Variants in GRIA3 observed in about 807,000 individuals in gnomAD.
GRIA3 encodes glutamate ionotropic receptor AMPA type subunit 3.
Under a neutral mutation model 63.0 loss-of-function variants are expected in GRIA3, and 3 were observed. That is an observed-to-expected ratio of 0.05 (90% CI 0.02 to 0.12). The LOEUF (loss-of-function observed/expected upper bound fraction) is 0.12, where lower values mean the gene tolerates loss of function less well. Among genes scored for constraint, GRIA3 ranks in the 10% least tolerant of loss-of-function variants. The probability of loss-of-function intolerance (pLI) is 1.00; values close to 1 mark genes in which losing one functional copy is unlikely to be tolerated. For synonymous variants in GRIA3, 274 were observed against 257.9 expected, an observed-to-expected ratio of 1.06 and a Z score of -0.60; for missense variants, 347 against 700.9, an observed-to-expected ratio of 0.50 and a Z score of 5.70.
intron 3 of GRIA3, among the ~76,000 whole-genome samples, chrX:123,301,238 T>C (rs1388917860): frequency 9.0e-6 from 1 of 111,440 alleles, no homozygotes; most frequent in Non-Finnish European, 1.9e-5. Context: ...ATTTTCTGTC[T>C]CAACAATCTG....
At chrX:123,285,577 C>CAAAAA (rs59101106) in intron 3 of GRIA3, among the ~76,000 whole-genome samples, 11 of 10,169 alleles carry the variant, frequency 1.1e-3, no homozygotes, top group East Asian at 4.4e-3. Flanking sequence ...AAATGAAAAG[C>CAAAAA]AAAAAAAAAA....
intron 3 of GRIA3, among the ~76,000 whole-genome samples, chrX:123,262,841 T>G (rs2044467802): frequency 9.0e-6 from 1 of 110,951 alleles, no homozygotes; most frequent in African/African-American, 3.3e-5. Flanking sequence ...CAGAACTGCC[T>G]CCCCTAGCAA....
chrX:123,447,287 C>CA (rs1426318839), intron 12 of GRIA3, among the ~76,000 whole-genome samples: 4 of 107,489 alleles, frequency 3.7e-5, no homozygotes, highest in Non-Finnish European at 5.7e-5. Context: ...AAAAACAAAA[C>CA]AAAACAAAAA....
chrX:123,374,241 C>T (rs1473665360), intron 5 of GRIA3, among the ~76,000 whole-genome samples: 5 of 111,797 alleles, frequency 4.5e-5, no homozygotes, highest in African/African-American at 9.8e-5. Context: ...AAGTACCATG[C>T]TGTTTTGGTT....
At chrX:123,324,105 G>T (rs1261598173) in intron 3 of GRIA3, among the ~76,000 whole-genome samples, 1 of 111,478 alleles carries the variant, frequency 9.0e-6, no homozygotes. Flanking sequence ...AATGTTAAAG[G>T]GAAACATGCT....
At chrX:123,481,667 T>C (rs1485727633) in intron 14 of GRIA3, among the ~76,000 whole-genome samples, 1 of 112,100 alleles carries the variant, frequency 8.9e-6, no homozygotes, top group Non-Finnish European at 1.9e-5. Flanking sequence ...AATGGTTACA[T>C]ACCCTCTAAA....
chrX:123,187,067 TA>T (rs1927298924), intron 2 of GRIA3, among the ~76,000 whole-genome samples: 2 of 112,559 alleles, frequency 1.8e-5, no homozygotes, highest in Admixed American at 1.9e-4. Context: ...GCTTTGCTTT[TA>T]TGGCTGATGT....
At chrX:123,219,603 C>T (rs896576714) in intron 2 of GRIA3, among the ~76,000 whole-genome samples, 1 of 111,864 alleles carries the variant, frequency 8.9e-6, no homozygotes, top group Non-Finnish European at 1.9e-5. Context: ...ATATTATATG[C>T]TCCCATACCA....
intron 3 of GRIA3, among the ~76,000 whole-genome samples, chrX:123,295,906 T>C (rs886324158): frequency 8.1e-5 from 9 of 111,540 alleles, no homozygotes; most frequent in African/African-American, 1.9e-4. Context: ...CACTAAGTGA[T>C]ATGTGTGTAG....
chrX:123,275,862 T>C (rs1219815205), intron 3 of GRIA3, among the ~76,000 whole-genome samples: 1 of 112,243 alleles, frequency 8.9e-6, no homozygotes, highest in East Asian at 2.8e-4. Context: ...CAAATGTGCC[T>C]TTTCGTGTAT....
chrX:123,184,540 C>T lies in GRIA3; in HGVS notation c.5C>T (p.Ala2Val), dbSNP rs1465232096. M[A>V]RQKKMGQSVL... Reference sequence around the variant, plus strand: ...CAGCTTCGTTTTAGGCGTAGCATGGCCAGGCAGAAGAAAATGGGGCAAAGC... The same window carrying T: ...CAGCTTCGTTTTAGGCGTAGCATGGTCAGGCAGAAGAAAATGGGGCAAAGC... Residue 2 changes from alanine (A) to valine (V), a missense_variant, in exon 1 of 16, where the codon GCC becomes GTC. By Grantham distance (64) the Ala-to-Val change is moderately conservative. Coordinates refer to ENST00000620443, the MANE Select transcript of GRIA3 (RefSeq NM_007325.5). 8.3e-7 allele frequency: 1 copy of T among 1,203,834 alleles called. No homozygotes were observed. The highest frequency in any genetic ancestry group is 1.8e-5 in the South Asian group (1 of 56,789).
Position 123,352,996 on chromosome X carries a change from C to G in GRIA3, c.697-1914C>G, listed in dbSNP as rs750760908. On this transcript the variant is annotated intron_variant, in intron 4 of 15. Coordinates refer to ENST00000620443, the MANE Select transcript of GRIA3 (RefSeq NM_007325.5). The stretch of plus-strand genomic sequence containing the variant: ...ATTTAAATTAATCAAAAACTGCTCT[C>G]TTGTCCTCTCTCTCTCTCTCTCATA... 1.5e-4 allele frequency among the ~76,000 whole-genome samples: 15 copies of G among 101,261 alleles called. 1 individual carries two copies. The highest frequency in any genetic ancestry group is 9.0e-4 in the Admixed American group (8 of 8,882). 87.9% of individuals were successfully genotyped at this position (101,261 alleles called of 115,157 possible). A position where few individuals can be genotyped will look rare whatever the true frequency, so the allele number is the denominator to read the frequency against.
intron 3 of GRIA3, among the ~76,000 whole-genome samples, chrX:123,286,906 T>A (rs931076645): frequency 8.9e-6 from 1 of 111,977 alleles, no homozygotes; most frequent in African/African-American, 3.3e-5. Flanking sequence ...TCTCCCTAAC[T>A]TATTTTATGA....
At chrX:123,349,921 T>A (rs2045082491) in intron 4 of GRIA3, among the ~76,000 whole-genome samples, 1 of 111,799 alleles carries the variant, frequency 8.9e-6, no homozygotes, top group African/African-American at 3.3e-5. Context: ...AAGTATGGCA[T>A]GTTTTAAGGC....
At chrX:123,332,140 A>G (rs1358300307) in intron 4 of GRIA3, among the ~76,000 whole-genome samples, 2 of 108,275 alleles carry the variant, frequency 1.8e-5, no homozygotes, top group African/African-American at 6.7e-5. Flanking sequence ...TCTCACTAAT[A>G]TAAGTTTAGC....
chrX:123,453,648 C>CAA (rs35049186), intron 12 of GRIA3, among the ~76,000 whole-genome samples: 1 of 111,328 alleles, frequency 9.0e-6, no homozygotes, highest in African/African-American at 3.3e-5. Context: ...CACACACACA[C>CAA]AAACTTCTCC....
chrX:123,394,767 G>A (rs1409851566), intron 5 of GRIA3, among the ~76,000 whole-genome samples: 1 of 112,351 alleles, frequency 8.9e-6, no homozygotes, highest in East Asian at 2.8e-4. Context: ...AACTAAAATG[G>A]AAGAATGCAT....
In GRIA3 at chrX:123,463,682, A is replaced by AAGAG. The variant is rs1406949025; in HGVS notation, c.2077-1177_2077-1174dup. On this transcript the variant is annotated intron_variant, in intron 12 of 15. Transcript: ENST00000620443. ...AAAGAAAGAAAGAAAGAAAGAAAGAAAGAGAGAGAAAGAAAGAAAAAGAAA... is the reference window on the plus strand; with the variant it reads ...AAAGAAAGAAAGAAAGAAAGAAAGAAAGAGAGAGAGAGAAAGAAAGAAAAAGAAA... Among the ~76,000 whole-genome samples, 6 of 40,699 alleles carry AAGAG rather than the reference A, an allele frequency of 1.5e-4. No individual in the cohort carries two copies. In the South Asian group the frequency reaches 4.4e-3, roughly 30 times the overall value. 35.3% of individuals were successfully genotyped at this position (40,699 alleles called of 115,157 possible). A position where few individuals can be genotyped will look rare whatever the true frequency, so the allele number is the denominator to read the frequency against.
At position 123,271,887 on chromosome X, in the gene GRIA3, C is replaced by A. The variant is rs181575325; in HGVS notation, c.508+18345C>A. Among the ~76,000 whole-genome samples, 4 of 111,988 alleles carry A rather than the reference C, an allele frequency of 3.6e-5. No homozygotes were observed. In the East Asian group the frequency reaches 1.1e-3, roughly 32 times the overall value. On this transcript the variant is annotated intron_variant, in intron 3 of 15. Transcript: ENST00000620443. Reference sequence around the variant, plus strand: ...TCTTCCTGTCACTCCATACTGACAGCCACTTTCAACTCTCCTATTAGCAAA... The same window carrying A: ...TCTTCCTGTCACTCCATACTGACAGACACTTTCAACTCTCCTATTAGCAAA...
Sources: allele counts gnomAD v4.1 joint callset (sites outside exome capture counted in the v4.1 genomes callset), GRCh38; gene constraint gnomAD v4.1.1; transcripts MANE v1.5; gene names NCBI Gene and HGNC (gene_info 2026-07-23, HGNC 2026-07-21).